The following NUP205 variants were observed in gnomAD, a reference collection of about 807,000 sequenced individuals.
NUP205 encodes the protein nuclear pore complex protein Nup205.
NUP205 carries 76 observed loss-of-function variants against 253.8 expected under a neutral mutation model. The observed-to-expected ratio is 0.30, with a 90% confidence interval of 0.25 to 0.36. The LOEUF is 0.36. Among genes scored for constraint, NUP205 ranks in the 10% least tolerant of loss-of-function variants. The pLI is 1.00. For missense variants in NUP205, 2,162 were observed against 2,425.5 expected, an observed-to-expected ratio of 0.89 and a Z score of 2.28; for synonymous variants, 832 against 850.1, an observed-to-expected ratio of 0.98 and a Z score of 0.37.
chr7:135,639,193 C>A (rs1794872750), intron 38 of NUP205, among the ~76,000 whole-genome samples: 1 of 151,850 alleles, frequency 6.6e-6, no homozygotes, highest in African/African-American at 2.4e-5. Flanking sequence ...TCCTATGGAA[C>A]ACTCAGAAGA....
chr7:135,563,444 T>C (rs1256474135), intron 1 of NUP205, among the ~76,000 whole-genome samples: 1 of 152,100 alleles, frequency 6.6e-6, no homozygotes, highest in Non-Finnish European at 1.5e-5. Flanking sequence ...CGCCTTGGCC[T>C]CTCAAAGTGG....
chr7:135,586,075 G>A (rs1371555834), intron 8 of NUP205, among the ~76,000 whole-genome samples: 3 of 151,784 alleles, frequency 2.0e-5, no homozygotes, highest in Non-Finnish European at 4.4e-5. Context: ...AGTAAATGAG[G>A]GAGAAAAACG....
At chr7:135,602,604 A>G (rs555884864) in intron 17 of NUP205, among the ~76,000 whole-genome samples, 1 of 152,304 alleles carries the variant, frequency 6.6e-6, no homozygotes, top group East Asian at 1.9e-4. Context: ...TGCATAGATG[A>G]ATGGTTTTGT....
intron 10 of NUP205, among the ~76,000 whole-genome samples, chr7:135,590,499 T>C (rs191034007): frequency 1.4e-3 from 208 of 152,250 alleles, no homozygotes; most frequent in African/African-American, 4.8e-3. Flanking sequence ...TAAGTAAGTA[T>C]ATCTCTCTTA....
intron 11 of NUP205, 127 bp from the exon 12 acceptor site, chr7:135,592,860 C>A: frequency 1.4e-6 from 1 of 699,036 alleles, no homozygotes; most frequent in East Asian, 2.7e-5. Flanking sequence ...GCACTCCAGC[C>A]TGGGTGACAG....
chr7:135,573,095 G>A (rs550172663), intron 2 of NUP205, among the ~76,000 whole-genome samples: 123 of 152,038 alleles, frequency 8.1e-4, no homozygotes, highest in African/African-American at 2.8e-3. Context: ...CTGGATGTCG[G>A]TTTTTCTGTC....
intron 1 of NUP205, among the ~76,000 whole-genome samples, chr7:135,559,880 A>G (rs1805535295): frequency 6.8e-6 from 1 of 147,180 alleles, no homozygotes; most frequent in Non-Finnish European, 1.5e-5. Flanking sequence ...TTTTTTTGAG[A>G]TGGAGTCTCA....
At chr7:135,580,047 A>G (rs1379387946) in intron 7 of NUP205, among the ~76,000 whole-genome samples, 9 of 152,246 alleles carry the variant, frequency 5.9e-5, no homozygotes, top group Non-Finnish European at 1.2e-4. Flanking sequence ...GGTTTATTCT[A>G]ACAGAATGAG....
At position 135,589,099 on chromosome 7, in the gene NUP205, G is replaced by A. The variant is rs1354863317; in HGVS notation, c.1473+1107G>A. The stretch of plus-strand genomic sequence containing the variant: ...GCAAGAGGACACGTTGAGCCCCGGG[G>A]TTTGAGGTTACAGTGAGATGTGGTT... On this transcript the variant is annotated intron_variant, in intron 10 of 42. Transcript: ENST00000285968. Among the ~76,000 whole-genome samples the A allele has an allele frequency of 2.0e-5, 3 of 150,408 alleles. 1 individual carries two copies. The highest frequency in any genetic ancestry group is 2.1e-4 in the South Asian group (1 of 4,720).
intron 1 of NUP205, among the ~76,000 whole-genome samples, chr7:135,560,088 G>C (rs1805544213): frequency 1.3e-5 from 2 of 152,060 alleles, no homozygotes; most frequent in African/African-American, 4.8e-5. Flanking sequence ...TCGAGCTCCT[G>C]ACCCCGTGAT....
At chr7:135,632,985 G>T (rs1293243323) in intron 35 of NUP205, among the ~76,000 whole-genome samples, 1 of 151,906 alleles carries the variant, frequency 6.6e-6, no homozygotes, top group Non-Finnish European at 1.5e-5. Flanking sequence ...TTTTTGGGGG[G>T]ACAGGGTCTC....
chr7:135,621,969 A>AT (rs1794478119), intron 30 of NUP205, among the ~76,000 whole-genome samples: 1 of 151,474 alleles, frequency 6.6e-6, no homozygotes, highest in African/African-American at 2.4e-5. Context: ...CGCCCCACTA[A>AT]TTTTTTGTAT....
intron 39 of NUP205, 123 bp from the exon 40 acceptor site, chr7:135,644,772 G>T: frequency 1.0e-6 from 1 of 956,998 alleles, no homozygotes. Context: ...ACTCTTATCT[G>T]CAAGGATGTT....
rs919127194 is a variant in NUP205, at chr7:135,648,577, C to A, written c.*21C>A. On this transcript the variant is annotated 3_prime_UTR_variant, in exon 43 of 43. Coordinates refer to ENST00000285968, the MANE Select transcript of NUP205 (RefSeq NM_015135.3). ...ACTGAGAGCCCGTGCTTATGCTCTTCTATGAGAGAGATGAATTGGGGAGAA... is the reference window on the plus strand; with the variant it reads ...ACTGAGAGCCCGTGCTTATGCTCTTATATGAGAGAGATGAATTGGGGAGAA... 77 of 1,476,126 alleles carry A rather than the reference C, an allele frequency of 5.2e-5. No homozygotes were observed. Among genetic ancestry groups the A allele is most frequent in the Non-Finnish European group, 6.7e-5 (74 of 1,111,216 alleles). 91.4% of individuals were successfully genotyped at this position (1,476,126 alleles called of 1,614,324 possible).
At chr7:135,608,706 C>CA (rs924280234) in intron 22 of NUP205, among the ~76,000 whole-genome samples, 21 of 151,058 alleles carry the variant, frequency 1.4e-4, no homozygotes, top group Admixed American at 2.0e-4. Context: ...GACTCTGTCT[C>CA]AAAAAAAATA....
chr7:135,580,385 A>G (rs1806272900), intron 7 of NUP205, among the ~76,000 whole-genome samples: 1 of 152,112 alleles, frequency 6.6e-6, no homozygotes. Context: ...ACGTACCCTC[A>G]TCATTTATAA....
intron 1 of NUP205, among the ~76,000 whole-genome samples, chr7:135,562,522 CT>C (rs1417486701): frequency 2.3e-5 from 3 of 128,002 alleles, no homozygotes; most frequent in Non-Finnish European, 3.4e-5. Context: ...TTGGCTTGAT[CT>C]TTTAGAGTAA....
chr7:135,620,871 G>C lies in NUP205; in HGVS notation c.4330+983G>C, dbSNP rs77344608. Among the ~76,000 whole-genome samples the C allele has an allele frequency of 0.013, 1,934 of 152,064 alleles. 76 individuals are homozygous for C. In the East Asian group the frequency reaches 0.15, roughly 12 times the overall value. On this transcript the variant is annotated intron_variant, in intron 30 of 42. Coordinates refer to ENST00000285968, the MANE Select transcript of NUP205 (RefSeq NM_015135.3). Reference sequence around the variant, plus strand: ...AAAAGTTAGGCACATTTAAAATATTGCTAAATGCTGCTTTCTAAAAAGTTA... The same window carrying C: ...AAAAGTTAGGCACATTTAAAATATTCCTAAATGCTGCTTTCTAAAAAGTTA...
Position 135,593,171 on chromosome 7 carries a change from C to T in NUP205, c.1809C>T (p.Leu603=). The T allele has an allele frequency of 6.2e-7, 1 of 1,614,030 alleles. No homozygotes were observed. The highest frequency in any genetic ancestry group is 8.5e-7 in the Non-Finnish European group (1 of 1,179,958). Residue 603 remains leucine, a synonymous_variant, in exon 12 of 43, where the codon CTC becomes CTT. Coordinates refer to ENST00000285968, the MANE Select transcript of NUP205 (RefSeq NM_015135.3). ...EQDGLIAFLQ[L]TSTIITWSEN... is the part of the protein sequence containing the mutation. ...ATGGATTGATTGCTTTTTTGCAGCT[C>T]ACGTCTACCATCATTACTTGGGTAG...
Sources: gnomAD v4.1 joint callset for allele counts (sites outside exome capture counted in the v4.1 genomes callset) on GRCh38, gnomAD v4.1.1 for gene constraint, MANE v1.5 for transcripts, NCBI Gene and HGNC (gene_info 2026-07-23, HGNC 2026-07-21) for gene names.